NEK10: variants seen among roughly 807,000 people sequenced by gnomAD.
NEK10 encodes NIMA related kinase 10, also known as serine/threonine-protein kinase Nek10.
NEK10 carries 122 observed loss-of-function variants against 159.8 expected under a neutral mutation model. The ratio of observed to expected loss-of-function variants is 0.76; its 90% CI spans 0.66 to 0.89. The LOEUF is 0.89. Ranked by LOEUF, NEK10 falls within the 40% of genes least tolerant of loss-of-function variation. The probability of loss-of-function intolerance (pLI) is 0.00; values close to 1 mark genes in which losing one functional copy is unlikely to be tolerated. For synonymous variants in NEK10, 466 were observed against 457.1 expected (o/e 1.02, Z -0.25); for missense variants, 1,342 against 1,323.1 (o/e 1.01, Z -0.22).
chr3:27,266,206 T>G (rs1021199750), intron 22 of NEK10, among the ~76,000 whole-genome samples: 2 of 152,206 alleles, frequency 1.3e-5, no homozygotes, highest in Non-Finnish European at 2.9e-5. Context: ...GTCAAATTTA[T>G]TAGTTTATTT....
At chr3:27,299,403 T>C (rs1243970240) in intron 13 of NEK10, among the ~76,000 whole-genome samples, 2 of 152,164 alleles carry the variant, frequency 1.3e-5, no homozygotes, top group African/African-American at 2.4e-5. Context: ...TCAGAGGATG[T>C]ATGGAAATGC....
rs1939370303 is a variant in NEK10, at chr3:27,110,146, C to G, written c.*1126G>C. On this transcript the variant is annotated 3_prime_UTR_variant, in exon 36 of 36. Coordinates refer to ENST00000691995, the MANE Select transcript of NEK10 (RefSeq NM_001394966.1). Reference sequence around the variant, plus strand: ...TACTAATTATGTAGAATAAATTGCTCTTTAGGTAGCTAGAAGTGTAGACAG... The same window carrying G: ...TACTAATTATGTAGAATAAATTGCTGTTTAGGTAGCTAGAAGTGTAGACAG... 1.3e-5 allele frequency: 2 copies of G among 152,098 alleles called. No homozygotes were observed. The highest frequency in any genetic ancestry group is 2.9e-5 in the Non-Finnish European group (2 of 68,006). 9.4% of individuals were successfully genotyped at this position (152,098 alleles called of 1,614,324 possible). A position where few individuals can be genotyped will look rare whatever the true frequency, so the allele number is the denominator to read the frequency against.
intron 31 of NEK10, 93 bp downstream of exon 31, chr3:27,141,389 T>G: frequency 1.1e-6 from 1 of 903,844 alleles, no homozygotes; most frequent in East Asian, 2.5e-5. Context: ...AGAACAAGAA[T>G]TCAATCTAAA....
intron 5 of NEK10, among the ~76,000 whole-genome samples, chr3:27,328,250 C>T (rs898098202): frequency 1.3e-5 from 2 of 152,130 alleles, no homozygotes; most frequent in Non-Finnish European, 2.9e-5. Context: ...AGGAGTACAG[C>T]AGAGGAAAAA....
At chr3:27,256,449 C>T (rs1956185111) in intron 22 of NEK10, 78 bp from the exon 23 acceptor site, 1 of 718,352 alleles carries the variant, frequency 1.4e-6, no homozygotes, top group Non-Finnish European at 2.2e-6. Flanking sequence ...TGACAATCTA[C>T]ACAATAACTA....
chr3:27,255,305 CTT>C, intron 23 of NEK10: 1 of 425,756 alleles, frequency 2.3e-6, no homozygotes, highest in Non-Finnish European at 4.7e-6. Context: ...CATGAAACCA[CTT>C]TCAAGAATAA....
intron 4 of NEK10, among the ~76,000 whole-genome samples, chr3:27,345,641 C>G (rs1408760253): frequency 6.6e-6 from 1 of 152,204 alleles, no homozygotes; most frequent in Non-Finnish European, 1.5e-5. Flanking sequence ...CATTACCTGA[C>G]ACTTTCAATG....
chr3:27,318,561 C>T (rs1165010310), intron 6 of NEK10, among the ~76,000 whole-genome samples: 1 of 152,230 alleles, frequency 6.6e-6, no homozygotes, highest in Non-Finnish European at 1.5e-5. Context: ...GTTCCATCAG[C>T]TGCCAGGGCC....
intron 31 of NEK10, among the ~76,000 whole-genome samples, chr3:27,141,244 G>A (rs1943754873): frequency 6.6e-6 from 1 of 152,120 alleles, no homozygotes; most frequent in African/African-American, 2.4e-5. Context: ...AGTTTGGTTT[G>A]TTTGGGCACT....
At chr3:27,152,876 A>C (rs1015341765) in intron 30 of NEK10, among the ~76,000 whole-genome samples, 1 of 152,084 alleles carries the variant, frequency 6.6e-6, no homozygotes, top group African/African-American at 2.4e-5. Flanking sequence ...TATATCAGAC[A>C]AAAAAAACTT....
At chr3:27,331,248 AAAC>A (rs1343301877) in intron 5 of NEK10, among the ~76,000 whole-genome samples, 23,005 of 103,150 alleles carry the variant, frequency 0.22, 4,574 homozygotes, top group East Asian at 0.59. Flanking sequence ...AAAAAAAAAA[AAAC>A]AAAAAAAAAA....
At chr3:27,250,974 T>C (rs1448934623) in intron 23 of NEK10, among the ~76,000 whole-genome samples, 1 of 152,188 alleles carries the variant, frequency 6.6e-6, no homozygotes, top group African/African-American at 2.4e-5. Flanking sequence ...AAATGAGTAC[T>C]ATCCTTTCAA....
intron 4 of NEK10, among the ~76,000 whole-genome samples, chr3:27,345,391 C>T (rs1018817468): frequency 3.5e-4 from 53 of 152,120 alleles, no homozygotes; most frequent in African/African-American, 1.3e-3. Context: ...ATGTAACTTT[C>T]CCATACTATT....
At chr3:27,149,791 T>C (rs1212901262) in intron 30 of NEK10, among the ~76,000 whole-genome samples, 2 of 152,090 alleles carry the variant, frequency 1.3e-5, no homozygotes, top group Non-Finnish European at 2.9e-5. Flanking sequence ...TTACTTTCAA[T>C]CAAAAGGCAG....
chr3:27,368,596 T>C (rs1481201510), intron 1 of NEK10, among the ~76,000 whole-genome samples: 1 of 152,074 alleles, frequency 6.6e-6, no homozygotes, highest in South Asian at 2.1e-4. Context: ...GAAAGCTGAA[T>C]GGATAGTGAT....
At chr3:27,253,183 C>T (rs1004655876) in intron 23 of NEK10, among the ~76,000 whole-genome samples, 10 of 152,016 alleles carry the variant, frequency 6.6e-5, no homozygotes, top group African/African-American at 7.3e-5. Flanking sequence ...AAGCCATAGA[C>T]TAATAATTCC....
At chr3:27,144,256 A>G (rs1037109835) in intron 30 of NEK10, among the ~76,000 whole-genome samples, 5 of 152,146 alleles carry the variant, frequency 3.3e-5, no homozygotes, top group Non-Finnish European at 7.3e-5. Flanking sequence ...GTTCTAGCCC[A>G]TTCTCTGTAA....
intron 23 of NEK10, among the ~76,000 whole-genome samples, chr3:27,209,292 C>G (rs1357503141): frequency 6.6e-6 from 1 of 152,138 alleles, no homozygotes; most frequent in African/African-American, 2.4e-5. Context: ...TTCATGTACC[C>G]TTCTTTGTTA....
chr3:27,291,634 A>T, intron 16 of NEK10, 48 bp from the exon 17 acceptor site: 1 of 1,049,150 alleles, frequency 9.5e-7, no homozygotes, highest in Non-Finnish European at 1.5e-6. Flanking sequence ...GACACAGTTG[A>T]TCATTACTTC....
Sources: gnomAD v4.1 joint callset for allele counts (sites outside exome capture counted in the v4.1 genomes callset) on GRCh38, gnomAD v4.1.1 for gene constraint, MANE v1.5 for transcripts, NCBI Gene and HGNC (gene_info 2026-07-23, HGNC 2026-07-21) for gene names.